ZRANB3: variants seen among roughly 807,000 people sequenced by gnomAD.
ZRANB3 encodes the protein zinc finger RANBP2-type containing 3.
Under a neutral mutation model 133.8 loss-of-function variants are expected in ZRANB3, and 125 were observed. The observed-to-expected ratio is 0.93, with a 90% confidence interval of 0.81 to 1.08. ZRANB3 has a LOEUF of 1.08. Among genes scored for constraint, ZRANB3 ranks in the 50% least tolerant of loss-of-function variants. The probability of loss-of-function intolerance (pLI) is 0.00; values close to 1 mark genes in which losing one functional copy is unlikely to be tolerated. For synonymous variants in ZRANB3, 387 were observed against 432.7 expected, an observed-to-expected ratio of 0.89 and a Z score of 1.31; for missense variants, 1,229 against 1,275.5, an observed-to-expected ratio of 0.96 and a Z score of 0.56.
At chr2:135,238,265 C>T (rs950171696) in intron 12 of ZRANB3, among the ~76,000 whole-genome samples, 1 of 152,174 alleles carries the variant, frequency 6.6e-6, no homozygotes, top group Non-Finnish European at 1.5e-5. Flanking sequence ...ATTTCACATG[C>T]TCTTCATACA....
intron 1 of ZRANB3, among the ~76,000 whole-genome samples, chr2:135,507,818 G>C (rs565551534): frequency 4.7e-4 from 69 of 147,006 alleles, no homozygotes; most frequent in Admixed American, 1.4e-3. Context: ...AGCTGGTTGT[G>C]GGGGTGCATG....
chr2:135,509,977 A>C (rs551011774), intron 1 of ZRANB3, among the ~76,000 whole-genome samples: 4 of 152,170 alleles, frequency 2.6e-5, no homozygotes, highest in African/African-American at 9.7e-5. Flanking sequence ...GAAAAATTCT[A>C]TTCTTTTTAT....
At chr2:135,490,279 GC>G (rs1011125577) in intron 2 of ZRANB3, among the ~76,000 whole-genome samples, 9 of 152,086 alleles carry the variant, frequency 5.9e-5, no homozygotes, top group Non-Finnish European at 1.0e-4. Flanking sequence ...GAAATTAATA[GC>G]CAGAATATAT....
chr2:135,314,891 G>A lies in ZRANB3; in HGVS notation c.849+468C>T, dbSNP rs909285380. 4.6e-5 allele frequency among the ~76,000 whole-genome samples: 7 copies of A among 151,704 alleles called. No individual in the cohort carries two copies. In the East Asian group the frequency reaches 1.2e-3, roughly 25 times the overall value. On this transcript the variant is annotated intron_variant, in intron 7 of 20. Transcript: ENST00000264159. Reference sequence around the variant, plus strand: ...CAGCCTCCCGAGTAGCTGGGATTACGGGCACTCGCCACCACACTCAACTAA... The same window carrying A: ...CAGCCTCCCGAGTAGCTGGGATTACAGGCACTCGCCACCACACTCAACTAA...
At chr2:135,417,221 G>A (rs1162651707) in intron 2 of ZRANB3, among the ~76,000 whole-genome samples, 1 of 151,858 alleles carries the variant, frequency 6.6e-6, no homozygotes, top group Non-Finnish European at 1.5e-5. Context: ...TCTGACAAAG[G>A]GCTAATATCC....
At chr2:135,296,482 A>AT (rs548568393) in intron 8 of ZRANB3, among the ~76,000 whole-genome samples, 3 of 149,338 alleles carry the variant, frequency 2.0e-5, no homozygotes, top group African/African-American at 4.9e-5. Context: ...CATTCGTCTA[A>AT]TTTTTTTTTT....
chr2:135,525,835 C>G (rs1574256983), intron 1 of ZRANB3, among the ~76,000 whole-genome samples: 1 of 94,130 alleles, frequency 1.1e-5, no homozygotes, highest in Admixed American at 1.5e-4. Flanking sequence ...GCAACAAGAG[C>G]AAAACTCTGT....
intron 2 of ZRANB3, among the ~76,000 whole-genome samples, chr2:135,469,222 TACAC>T (rs998620512): frequency 4.0e-5 from 6 of 150,356 alleles, no homozygotes; most frequent in African/African-American, 1.2e-4. Context: ...TTTAATCTGA[TACAC>T]ACACCAACAT....
chr2:135,316,152 G>C (rs1409585593), intron 6 of ZRANB3, among the ~76,000 whole-genome samples: 2 of 152,158 alleles, frequency 1.3e-5, no homozygotes, highest in Non-Finnish European at 2.9e-5. Context: ...TAAGTGCTTT[G>C]AAGAAATATT....
chr2:135,408,045 G>A (rs1381167348), intron 2 of ZRANB3, among the ~76,000 whole-genome samples: 5 of 151,556 alleles, frequency 3.3e-5, no homozygotes, highest in Non-Finnish European at 5.9e-5. Context: ...GCAACCTACA[G>A]AATGGGAGAA....
chr2:135,455,394 G>A (rs1054785329), intron 2 of ZRANB3, among the ~76,000 whole-genome samples: 9 of 151,072 alleles, frequency 6.0e-5, no homozygotes, highest in Non-Finnish European at 1.3e-4. Flanking sequence ...CGCCACGTTG[G>A]CCAGGATGGT....
At chr2:135,438,334 G>A (rs1395292619) in intron 2 of ZRANB3, among the ~76,000 whole-genome samples, 6 of 151,830 alleles carry the variant, frequency 4.0e-5, no homozygotes, top group African/African-American at 1.5e-4. Flanking sequence ...GTGAAACTCC[G>A]TATCTACTAA....
intron 2 of ZRANB3, among the ~76,000 whole-genome samples, chr2:135,425,617 A>G (rs572872117): frequency 0.01 from 1,569 of 152,306 alleles, 25 homozygotes; most frequent in African/African-American, 0.036. Context: ...TTAAAGCAGA[A>G]GTCAAGAAAG....
intron 2 of ZRANB3, among the ~76,000 whole-genome samples, chr2:135,496,285 G>A (rs1273043068): frequency 6.6e-6 from 1 of 150,386 alleles, no homozygotes; most frequent in Non-Finnish European, 1.5e-5. Flanking sequence ...TCGGAAGGCT[G>A]AGGCAGGACA....
At chr2:135,384,970 CAT>C (rs1397616045) in intron 3 of ZRANB3, among the ~76,000 whole-genome samples, 1 of 152,120 alleles carries the variant, frequency 6.6e-6, no homozygotes, top group African/African-American at 2.4e-5. Flanking sequence ...TCCTATTCAA[CAT>C]AGTGTTGGAA....
chr2:135,434,152 A>C (rs938100471), intron 2 of ZRANB3, among the ~76,000 whole-genome samples: 12 of 152,200 alleles, frequency 7.9e-5, no homozygotes, highest in African/African-American at 2.9e-4. Context: ...ACAGAGCGAG[A>C]GACTCCATCT....
chr2:135,414,650 C>G (rs1268839739), intron 2 of ZRANB3, among the ~76,000 whole-genome samples: 1 of 152,148 alleles, frequency 6.6e-6, no homozygotes, highest in Non-Finnish European at 1.5e-5. Flanking sequence ...ACAGAATATA[C>G]ATTTTTTTCA....
chr2:135,378,457 A>G (rs1686526576), intron 3 of ZRANB3, among the ~76,000 whole-genome samples: 1 of 151,766 alleles, frequency 6.6e-6, no homozygotes, highest in South Asian at 2.1e-4. Context: ...ACGCCATTGC[A>G]TTCCATCCTG....
At chr2:135,470,951 G>A (rs916388635) in intron 2 of ZRANB3, among the ~76,000 whole-genome samples, 10 of 150,894 alleles carry the variant, frequency 6.6e-5, no homozygotes, top group Non-Finnish European at 1.3e-4. Context: ...ACAGGCGCCC[G>A]CCACCACGCC....
Sources: gnomAD v4.1 joint callset for allele counts (sites outside exome capture counted in the v4.1 genomes callset) on GRCh38, gnomAD v4.1.1 for gene constraint, MANE v1.5 for transcripts, NCBI Gene and HGNC (gene_info 2026-07-23, HGNC 2026-07-21) for gene names.